The following CLASP1 variants were observed in gnomAD, a reference collection of about 807,000 sequenced individuals.
The protein encoded by CLASP1 is CLIP-associating protein 1.
In CLASP1, 38 loss-of-function variants were observed where a neutral mutation model predicts 192.3. The ratio of observed to expected loss-of-function variants is 0.20; its 90% confidence interval spans 0.15 to 0.26. The LOEUF is 0.26. Among genes scored for constraint, CLASP1 ranks in the 10% least tolerant of loss-of-function variants. The probability of loss-of-function intolerance (pLI) is 1.00; values close to 1 mark genes in which losing one functional copy is unlikely to be tolerated. For missense variants in CLASP1, 1,433 were observed against 1,932.5 expected, an observed-to-expected ratio of 0.74 and a Z score of 4.85; for synonymous variants, 691 against 712.8, an observed-to-expected ratio of 0.97 and a Z score of 0.49.
chr2:121,530,894 T>TA (rs1553615495), intron 2 of CLASP1: 3 of 694,024 alleles, frequency 4.3e-6, no homozygotes, highest in African/African-American at 1.8e-5. Context: ...ATCCTTTTCT[T>TA]GGGGTTGCGC....
At chr2:121,426,103 C>T (rs191957188) in intron 21 of CLASP1, among the ~76,000 whole-genome samples, 38 of 152,202 alleles carry the variant, frequency 2.5e-4, no homozygotes, top group African/African-American at 8.2e-4. Flanking sequence ...CATGATCACA[C>T]CACTGCACTT....
chr2:121,609,782 A>T (rs929772187), intron 1 of CLASP1, among the ~76,000 whole-genome samples: 4 of 152,122 alleles, frequency 2.6e-5, no homozygotes, highest in Non-Finnish European at 5.9e-5. Context: ...CTCTACTAAA[A>T]ATACAAAAAT....
intron 22 of CLASP1, among the ~76,000 whole-genome samples, chr2:121,421,097 C>A (rs1301946958): frequency 1.3e-5 from 2 of 152,104 alleles, no homozygotes; most frequent in African/African-American, 4.8e-5. Context: ...CCCTAAACCT[C>A]AAGAGCTTTG....
chr2:121,577,135 C>G (rs1314278665), intron 2 of CLASP1, among the ~76,000 whole-genome samples: 1 of 151,456 alleles, frequency 6.6e-6, no homozygotes, highest in Middle Eastern at 3.4e-3. Flanking sequence ...ACAGATGAAA[C>G]AAAAGCAGCA....
intron 1 of CLASP1, among the ~76,000 whole-genome samples, chr2:121,638,610 G>A (rs1458540009): frequency 1.3e-5 from 2 of 151,466 alleles, no homozygotes; most frequent in Admixed American, 6.6e-5. Flanking sequence ...TAAACAAAAT[G>A]TGGTATATCC....
intron 2 of CLASP1, 155 bp from the exon 3 acceptor site, chr2:121,530,480 A>G (rs1400859655): frequency 2.0e-5 from 12 of 605,686 alleles, no homozygotes; most frequent in Non-Finnish European, 3.3e-5. Context: ...TAGCACGAAG[A>G]AGGATGATCT....
intron 7 of CLASP1, chr2:121,505,029 T>C (rs992496149): frequency 6.6e-6 from 1 of 152,190 alleles, no homozygotes; most frequent in African/African-American, 2.4e-5. Flanking sequence ...GTAACAAAGA[T>C]CTCCAATGGC....
At chr2:121,470,200 A>G (rs539017147) in intron 8 of CLASP1, 1 of 577,738 alleles carries the variant, frequency 1.7e-6, no homozygotes, top group East Asian at 3.9e-5. Flanking sequence ...ATTTTGAAAA[A>G]TAGAACAAAT....
chr2:121,574,428 A>C (rs2060282420), intron 2 of CLASP1, among the ~76,000 whole-genome samples: 1 of 152,048 alleles, frequency 6.6e-6, no homozygotes, highest in Non-Finnish European at 1.5e-5. Flanking sequence ...TGAGGTCAGG[A>C]GTTCCAGACC....
At chr2:121,435,711 T>A (rs1371410020) in intron 19 of CLASP1, among the ~76,000 whole-genome samples, 1 of 152,242 alleles carries the variant, frequency 6.6e-6, no homozygotes, top group African/African-American at 2.4e-5. Flanking sequence ...AACGCAGCCA[T>A]TAAATCACAC....
rs923215316 is a variant in CLASP1 at position 121,364,929 on chromosome 2, T to C, written c.4077+165A>G. On this transcript the variant is annotated intron_variant, in intron 36 of 39. Coordinates refer to ENST00000263710, the Ensembl canonical transcript of CLASP1. ...CTTGTTGCTGATAAAAACATGACCT[T>C]ACTAAACGTGCTCAGAAAATATGTG... The C allele has an allele frequency of 7.1e-6, 5 of 704,730 alleles. No individual in the cohort carries two copies. In the Admixed American group the frequency reaches 1.2e-4, roughly 16 times the overall value. 43.7% of individuals were successfully genotyped at this position (704,730 alleles called of 1,614,324 possible). A position where few individuals can be genotyped will look rare whatever the true frequency, so the allele number is the denominator to read the frequency against.
intron 2 of CLASP1, 81 bp from the exon 3 acceptor site, chr2:121,530,406 G>A: frequency 9.0e-7 from 1 of 1,109,014 alleles, no homozygotes; most frequent in Middle Eastern, 2.9e-4. Context: ...GGGAGGCCTA[G>A]ACATTTCCGG....
chr2:121,424,686 T>A lies in CLASP1; in HGVS notation c.2212+453A>T, dbSNP rs373726514. 9.8e-5 allele frequency among the ~76,000 whole-genome samples: 15 copies of A among 152,318 alleles called. No homozygotes were observed. In the South Asian group the frequency reaches 3.1e-3, roughly 32 times the overall value. Reference sequence around the variant, plus strand: ...AACAAATCTATGTCAAAAGTAACTATGCATATTTTTTCACCATAAGTTTCA... The same window carrying A: ...AACAAATCTATGTCAAAAGTAACTAAGCATATTTTTTCACCATAAGTTTCA... On this transcript the variant is annotated intron_variant, in intron 22 of 39. Transcript: ENST00000263710.
At chr2:121,443,031 C>A (rs1272879775) in intron 19 of CLASP1, among the ~76,000 whole-genome samples, 2 of 152,118 alleles carry the variant, frequency 1.3e-5, no homozygotes, top group Non-Finnish European at 2.9e-5. Context: ...AGAACAATGG[C>A]AACCCAGAAG....
chr2:121,440,143 A>T (rs2083064027), intron 19 of CLASP1, among the ~76,000 whole-genome samples: 1 of 151,558 alleles, frequency 6.6e-6, no homozygotes, highest in Admixed American at 6.6e-5. Flanking sequence ...CTTAAAAATC[A>T]GTTCAAGCTT....
chr2:121,349,743 C>A (rs1308479003), intron 37 of CLASP1, among the ~76,000 whole-genome samples: 1 of 152,178 alleles, frequency 6.6e-6, no homozygotes, highest in Non-Finnish European at 1.5e-5. Context: ...CATGAAATGG[C>A]CATCTCATGG....
Position 121,548,693 on chromosome 2 carries a change from G to A in CLASP1, c.196-18368C>T, listed in dbSNP as rs551506458. Among the ~76,000 whole-genome samples, 4 of 152,110 alleles carry A rather than the reference G, an allele frequency of 2.6e-5. No individual in the cohort carries two copies. The South Asian group carries it at 6.2e-4, about 24-fold the overall frequency. On this transcript the variant is annotated intron_variant, in intron 2 of 39. Coordinates refer to ENST00000263710, the Ensembl canonical transcript of CLASP1. ...GCAGGTCACCTACAAAGGGAACCCTGTCAGGCTTACAACAGACTTCTCAGC... is the reference window on the plus strand; with the variant it reads ...GCAGGTCACCTACAAAGGGAACCCTATCAGGCTTACAACAGACTTCTCAGC...
At chr2:121,382,245 G>A in exon 33 of CLASP1, 1 of 1,609,158 alleles carries the variant, frequency 6.2e-7, no homozygotes, top group Non-Finnish European at 8.5e-7. Context: ...TTGTGGGAGG[G>A]AGCGGTGGGG....
At chr2:121,530,179 C>A in intron 3 of CLASP1, 68 bp downstream of exon 3, 2 of 1,392,730 alleles carry the variant, frequency 1.4e-6, no homozygotes, top group Non-Finnish European at 2.0e-6. Flanking sequence ...GGTTTGGGAG[C>A]CGGGGAGGCC....
Sources: gnomAD v4.1 joint callset for allele counts (sites outside exome capture counted in the v4.1 genomes callset) on GRCh38, gnomAD v4.1.1 for gene constraint, MANE v1.5 for transcripts, NCBI Gene and HGNC (gene_info 2026-07-23, HGNC 2026-07-21) for gene names.